WIPF3: variants seen among roughly 807,000 people sequenced by gnomAD.
WIPF3 encodes WAS/WASL-interacting protein family member 3.
WIPF3 carries 33 observed loss-of-function variants against 38.9 expected under a neutral mutation model. The ratio of observed to expected loss-of-function variants is 0.85; its 90% CI spans 0.64 to 1.14. WIPF3 has a LOEUF of 1.14. WIPF3 is among the 50% of genes most tolerant of loss of function. The pLI, the probability that WIPF3 is intolerant of heterozygous loss-of-function variation, is 0.00. For synonymous variants in WIPF3, 324 were observed against 269.3 expected, an observed-to-expected ratio of 1.20 and a Z score of -1.99; for missense variants, 711 against 652.5, an observed-to-expected ratio of 1.09 and a Z score of -0.98.
chr7:29,876,208 A>T (rs1037699248), intron 3 of WIPF3, among the ~76,000 whole-genome samples: 1 of 152,250 alleles, frequency 6.6e-6, no homozygotes, highest in African/African-American at 2.4e-5. Context: ...GCAATGGGAC[A>T]CCTATTTAAA....
chr7:29,852,348 G>A (rs1169668378), intron 2 of WIPF3, among the ~76,000 whole-genome samples: 1 of 152,180 alleles, frequency 6.6e-6, no homozygotes, highest in African/African-American at 2.4e-5. Context: ...GTAAAACAGG[G>A]AGAGGCTGGC....
chr7:29,845,550 C>A, intron 2 of WIPF3, among the ~76,000 whole-genome samples: 1 of 152,240 alleles, frequency 6.6e-6, no homozygotes. Context: ...GTTGCCTCTT[C>A]ATTAAGTATT....
intron 1 of WIPF3, among the ~76,000 whole-genome samples, chr7:29,808,185 T>C (rs1226662376): frequency 3.9e-5 from 6 of 152,226 alleles, no homozygotes; most frequent in Non-Finnish European, 7.3e-5. Context: ...AATGTGATGC[T>C]AAAGTCCACT....
intron 7 of WIPF3, among the ~76,000 whole-genome samples, chr7:29,902,271 C>CTT (rs1462394988): frequency 1.9e-5 from 2 of 106,488 alleles, no homozygotes; most frequent in South Asian, 6.7e-4. Flanking sequence ...TCTTCTTCTT[C>CTT]TTCTTTTTTT....
chr7:29,859,681 G>A lies in WIPF3; in HGVS notation c.91-16149G>A, dbSNP rs757580786. Among the ~76,000 whole-genome samples the A allele has an allele frequency of 7.2e-4, 109 of 152,220 alleles. 1 individual carries two copies. The highest frequency in any genetic ancestry group is 2.3e-3 in the African/African-American group (95 of 41,534). ...GGCAGGCATTGTACTTCCTGAGGGCGTCAAGCGGGAGGTCTGAGCCAGTTT... is the reference window on the plus strand; with the variant it reads ...GGCAGGCATTGTACTTCCTGAGGGCATCAAGCGGGAGGTCTGAGCCAGTTT... On this transcript the variant is annotated intron_variant, in intron 2 of 8. Coordinates refer to ENST00000242140, the MANE Select transcript of WIPF3 (RefSeq NM_001080529.3).
At chr7:29,830,534 C>A (rs939706860) in intron 1 of WIPF3, among the ~76,000 whole-genome samples, 5 of 150,066 alleles carry the variant, frequency 3.3e-5, no homozygotes, top group African/African-American at 1.2e-4. Context: ...GTGGGAGGAT[C>A]GCTTGAACCC....
intron 7 of WIPF3, among the ~76,000 whole-genome samples, chr7:29,891,541 A>T (rs1038905664): frequency 3.9e-5 from 6 of 152,198 alleles, no homozygotes; most frequent in Non-Finnish European, 5.9e-5. Flanking sequence ...ATGAAGGAGG[A>T]TGGAGGGAAA....
At chr7:29,903,591 A>G (rs1175414994) in intron 7 of WIPF3, among the ~76,000 whole-genome samples, 2 of 152,288 alleles carry the variant, frequency 1.3e-5, no homozygotes, top group Middle Eastern at 3.4e-3. Context: ...TGGAATAACC[A>G]GTTGAAGGGA....
At position 29,825,142 on chromosome 7, in the gene WIPF3, G is replaced by A. The variant is rs11771497; in HGVS notation, c.-57-9526G>A. On this transcript the variant is annotated intron_variant, in intron 1 of 8. Transcript: ENST00000242140. Reference sequence around the variant, plus strand: ...GCATCATAACATAAATTAAAGAGGTGGTCATTCATTTTGTAAAATGGCTCA... The same window carrying A: ...GCATCATAACATAAATTAAAGAGGTAGTCATTCATTTTGTAAAATGGCTCA... Among the ~76,000 whole-genome samples the A allele has an allele frequency of 8.1e-3, 1,237 of 152,170 alleles. 8 individuals are homozygous for A. The highest frequency in any genetic ancestry group is 0.044 in the South Asian group (214 of 4,812).
intron 1 of WIPF3, among the ~76,000 whole-genome samples, chr7:29,808,772 C>T (rs1178704623): frequency 6.6e-6 from 1 of 152,000 alleles, no homozygotes; most frequent in African/African-American, 2.4e-5. Flanking sequence ...CTGGTCTAGC[C>T]TGGCAACGCT....
chr7:29,883,196 C>T (rs1445135607), intron 4 of WIPF3, among the ~76,000 whole-genome samples: 2 of 152,144 alleles, frequency 1.3e-5, no homozygotes, highest in Non-Finnish European at 2.9e-5. Flanking sequence ...GATGAGAAAG[C>T]CAAAACCCTT....
At chr7:29,875,523 C>G (rs569030946) in intron 2 of WIPF3, among the ~76,000 whole-genome samples, 2 of 152,188 alleles carry the variant, frequency 1.3e-5, no homozygotes, top group East Asian at 3.9e-4. Context: ...GACAGAAGCC[C>G]TGGGGTGGGG....
intron 2 of WIPF3, among the ~76,000 whole-genome samples, chr7:29,870,834 GTAA>G (rs1413558063): frequency 6.6e-6 from 1 of 152,006 alleles, no homozygotes; most frequent in Non-Finnish European, 1.5e-5. Flanking sequence ...GTGTGCACCT[GTAA>G]TCCCAGCTAC....
intron 1 of WIPF3, among the ~76,000 whole-genome samples, chr7:29,806,928 C>G (rs910701294): frequency 1.3e-5 from 2 of 151,576 alleles, no homozygotes; most frequent in South Asian, 4.2e-4. Flanking sequence ...CGGGCCGGGC[C>G]GGGCGGAAAC....
chr7:29,828,793 T>A lies in WIPF3; in HGVS notation c.-57-5875T>A, dbSNP rs1026910732. 3.3e-5 allele frequency among the ~76,000 whole-genome samples: 5 copies of A among 152,112 alleles called. No homozygotes were observed. In the East Asian group the frequency reaches 9.6e-4, roughly 29 times the overall value. ...CTGGCAAGGGATGCTGGGGAAGGAG[T>A]TCCTACTTCTGGCTGGAGGAGGTGG... On this transcript the variant is annotated intron_variant, in intron 1 of 8. Coordinates refer to ENST00000242140, the MANE Select transcript of WIPF3 (RefSeq NM_001080529.3).
intron 2 of WIPF3, among the ~76,000 whole-genome samples, chr7:29,859,162 C>T (rs549094371): frequency 3.2e-4 from 48 of 152,238 alleles, no homozygotes; most frequent in African/African-American, 1.1e-3. Flanking sequence ...AACAAGGTAG[C>T]AGTAAGAATG....
rs116557030 is a variant in WIPF3, at chr7:29,878,755, C to G, written c.224-254C>G. ...AGTGTTCAGGTCCCTTTGTTTTGGT[C>G]ACTTTTCAGGGGAGCTGGGCACAGA... On this transcript the variant is annotated intron_variant, in intron 3 of 8. Transcript: ENST00000242140. The surrounding 1 kb of genome is among the most constrained non-coding windows in gnomAD (Gnocchi z 4.0). 4.7e-3 allele frequency among the ~76,000 whole-genome samples: 721 copies of G among 152,258 alleles called. 12 individuals are homozygous for G. Among genetic ancestry groups the G allele is most frequent in the African/African-American group, 0.017 (687 of 41,540 alleles).
chr7:29,881,821 A>G (rs1489024249), intron 4 of WIPF3, among the ~76,000 whole-genome samples: 5 of 152,234 alleles, frequency 3.3e-5, no homozygotes, highest in African/African-American at 4.8e-5. Flanking sequence ...ATCCTTTCCT[A>G]TGGGCACAGC....
chr7:29,890,656 C>A (rs1199125264), intron 7 of WIPF3, among the ~76,000 whole-genome samples: 1 of 152,250 alleles, frequency 6.6e-6, no homozygotes, highest in Non-Finnish European at 1.5e-5. Context: ...TCCTGCAGAG[C>A]AGAGGGAATG....
Sources: allele counts gnomAD v4.1 joint callset (sites outside exome capture counted in the v4.1 genomes callset), GRCh38; gene constraint gnomAD v4.1.1; non-coding constraint Gnocchi (gnomAD v3.1); transcripts MANE v1.5; gene names NCBI Gene and HGNC (gene_info 2026-07-23, HGNC 2026-07-21).